The following SKI variants were observed in gnomAD, a reference collection of about 807,000 sequenced individuals.
The protein encoded by SKI is SKI proto-oncogene, also known as ski oncogene.
A neutral mutation model predicts 59.3 loss-of-function variants in SKI; 23 were observed. That is an observed-to-expected ratio of 0.39 (90% confidence interval 0.28 to 0.55). SKI has a LOEUF of 0.55. Ranked by LOEUF, SKI falls within the 20% of genes least tolerant of loss-of-function variation. SKI has a pLI of 0.67. For missense variants in SKI, 1,017 were observed against 1,038.9 expected (o/e 0.98, Z 0.29); for synonymous variants, 673 against 488.6 (o/e 1.38, Z -4.98).
rs535917697 is a variant in SKI at position 2,275,348 on chromosome 1, C to T, written c.970-27630C>T. On this transcript the variant is annotated intron_variant, in intron 1 of 6. Transcript: ENST00000378536. Reference sequence around the variant, plus strand: ...ACAGGGAGGAGGCTTCCTGTGGCTCCGCCGTCAGGGAGCAGTGGGGCTGCC... The same window carrying T: ...ACAGGGAGGAGGCTTCCTGTGGCTCTGCCGTCAGGGAGCAGTGGGGCTGCC... Among the ~76,000 whole-genome samples the T allele has an allele frequency of 7.2e-5, 11 of 152,276 alleles. 1 individual carries two copies. Among genetic ancestry groups the T allele is most frequent in the South Asian group, 4.1e-4 (2 of 4,832 alleles).
In SKI at chr1:2,270,049, G is replaced by A. The variant is rs943407872; in HGVS notation, c.970-32929G>A. ...GGGTCTGGCATGTTTGGTGGTGCCT[G>A]CCATCAGGCTGCCGATGGATGAGCC... On this transcript the variant is annotated intron_variant, in intron 1 of 6. Transcript: ENST00000378536. The surrounding 1 kb of genome is among the most constrained non-coding windows in gnomAD (Gnocchi z 4.1). 2.6e-5 allele frequency among the ~76,000 whole-genome samples: 4 copies of A among 152,082 alleles called. No homozygotes were observed. The highest frequency in any genetic ancestry group is 9.7e-5 in the African/African-American group (4 of 41,402).
chr1:2,283,351 G>A lies in SKI; in HGVS notation c.970-19627G>A, dbSNP rs563960146. Among the ~76,000 whole-genome samples, 504 of 103,500 alleles carry A rather than the reference G, an allele frequency of 4.9e-3. 5 individuals carry two copies. The highest frequency in any genetic ancestry group is 0.021 in the African/African-American group (481 of 22,684). The allele number at this position is 103,500 out of a possible 152,430, so 67.9% of individuals were successfully genotyped here. ...ACAGGGCAAGGACTCAGAGCCTCAG[G>A]GGGGGGAGGGCAGGGCCTCCTGAGG... On this transcript the variant is annotated intron_variant, in intron 1 of 6. Transcript: ENST00000378536.
At chr1:2,277,617 A>G (rs1253960090) in intron 1 of SKI, among the ~76,000 whole-genome samples, 2 of 152,222 alleles carry the variant, frequency 1.3e-5, no homozygotes, top group South Asian at 2.1e-4. Context: ...CTTCTTCAGC[A>G]GCGTGAAAAT....
At chr1:2,237,932 A>C (rs1638786883) in intron 1 of SKI, among the ~76,000 whole-genome samples, 1 of 152,154 alleles carries the variant, frequency 6.6e-6, no homozygotes, top group African/African-American at 2.4e-5. Context: ...CGGGTTACTT[A>C]AGGAGTCCAA....
In SKI at chr1:2,229,991, T is replaced by C. The variant is rs1287942880; in HGVS notation, c.969+256T>C. Among the ~76,000 whole-genome samples the C allele has an allele frequency of 1.3e-5, 2 of 152,076 alleles. No homozygotes were observed. The highest frequency in any genetic ancestry group is 2.9e-5 in the Non-Finnish European group (2 of 67,974). Reference sequence around the variant, plus strand: ...TGGCGGTGGGGTGGGGGGCCAGGCCTGGTGTGTGGGGAAGGCCCGCAGGCC... The same window carrying C: ...TGGCGGTGGGGTGGGGGGCCAGGCCCGGTGTGTGGGGAAGGCCCGCAGGCC... On this transcript the variant is annotated intron_variant, in intron 1 of 6. Coordinates refer to ENST00000378536, the MANE Select transcript of SKI (RefSeq NM_003036.4). This position sits in a 1 kb window ranked among gnomAD's most constrained non-coding sequence, Gnocchi z 6.3.
At chr1:2,250,890 G>C (rs1230882519) in intron 1 of SKI, among the ~76,000 whole-genome samples, 1 of 152,270 alleles carries the variant, frequency 6.6e-6, no homozygotes, top group African/African-American at 2.4e-5. Context: ...GCAGCCCCGG[G>C]GGGCCGGTGC....
chr1:2,254,096 C>T (rs1204933442), intron 1 of SKI, among the ~76,000 whole-genome samples: 1 of 152,216 alleles, frequency 6.6e-6, no homozygotes, highest in Non-Finnish European at 1.5e-5. Flanking sequence ...CTAGACATTC[C>T]AGGTGGGCTC....
chr1:2,258,146 A>G (rs545478695), intron 1 of SKI, among the ~76,000 whole-genome samples: 1 of 152,356 alleles, frequency 6.6e-6, no homozygotes, highest in South Asian at 2.1e-4. Flanking sequence ...TGCGACTTTA[A>G]CCAGAAGTAA....
At chr1:2,274,460 G>A (rs536693925) in intron 1 of SKI, among the ~76,000 whole-genome samples, 87 of 152,232 alleles carry the variant, frequency 5.7e-4, no homozygotes, top group Middle Eastern at 3.4e-3. Context: ...GCTGCCTCTC[G>A]CTCGCTCCAC....
In SKI at chr1:2,269,500, G is replaced by A. The variant is rs1041831744; in HGVS notation, c.970-33478G>A. Among the ~76,000 whole-genome samples the A allele has an allele frequency of 1.3e-5, 2 of 152,270 alleles. No homozygotes were observed. The highest frequency in any genetic ancestry group is 2.4e-5 in the African/African-American group (1 of 41,472). On this transcript the variant is annotated intron_variant, in intron 1 of 6. Transcript: ENST00000378536. This position sits in a 1 kb window ranked among gnomAD's most constrained non-coding sequence, Gnocchi z 4.7. Reference sequence around the variant, plus strand: ...CTGTGGCCTTCTGTGAAGCAAAGCCGTTTTGCAGGCTGGGTTCATCCCCGT... The same window carrying A: ...CTGTGGCCTTCTGTGAAGCAAAGCCATTTTGCAGGCTGGGTTCATCCCCGT...
rs971152031 is a variant in SKI at position 2,307,978 on chromosome 1, C to G, written c.*1213C>G. ...GTCTTTTTACCCCCAAGATATCTGT[C>G]TTCAGTAGCGACTGAATCTGCCACT... On this transcript the variant is annotated 3_prime_UTR_variant, in exon 7 of 7. Transcript: ENST00000378536. 6.6e-6 allele frequency: 1 copy of G among 152,484 alleles called. No individual in the cohort carries two copies. 9.4% of individuals were successfully genotyped at this position (152,484 alleles called of 1,614,324 possible). A position where few individuals can be genotyped will look rare whatever the true frequency, so the allele number is the denominator to read the frequency against.
intron 1 of SKI, among the ~76,000 whole-genome samples, chr1:2,263,789 C>A (rs72927836): frequency 0.012 from 1,820 of 150,018 alleles, 43 homozygotes; most frequent in African/African-American, 0.041. Flanking sequence ...ACCAGATTGG[C>A]CAATATGGTG....
intron 1 of SKI, among the ~76,000 whole-genome samples, chr1:2,295,275 C>G (rs989810390): frequency 6.6e-6 from 1 of 152,226 alleles, no homozygotes; most frequent in African/African-American, 2.4e-5. Flanking sequence ...CCTCTGGCTC[C>G]CAGGCATCTC....
chr1:2,260,168 G>A (rs561074060), intron 1 of SKI, among the ~76,000 whole-genome samples: 2 of 152,342 alleles, frequency 1.3e-5, no homozygotes, highest in South Asian at 2.1e-4. Context: ...GTCCTGGCCA[G>A]CGTGTGTGGT....
intron 1 of SKI, among the ~76,000 whole-genome samples, chr1:2,295,616 C>T (rs537154003): frequency 3.8e-4 from 58 of 151,530 alleles, no homozygotes; most frequent in Non-Finnish European, 8.1e-4. Context: ...AGTAGAGCCA[C>T]GTGACTGTGT....
At position 2,267,185 on chromosome 1, in the gene SKI, T is replaced by C. The variant is rs1223492188; in HGVS notation, c.970-35793T>C. 6.6e-6 allele frequency among the ~76,000 whole-genome samples: 1 copy of C among 152,206 alleles called. No individual in the cohort carries two copies. The highest frequency in any genetic ancestry group is 2.4e-5 in the African/African-American group (1 of 41,450). On this transcript the variant is annotated intron_variant, in intron 1 of 6. Transcript: ENST00000378536. The surrounding 1 kb of genome is among the most constrained non-coding windows in gnomAD (Gnocchi z 4.1). ...CAACTGCATCGAGCCAGCACTGAACTGGTTTTGTAACAAGCTTGGTGTCCA... is the reference window on the plus strand; with the variant it reads ...CAACTGCATCGAGCCAGCACTGAACCGGTTTTGTAACAAGCTTGGTGTCCA...
At chr1:2,236,112 C>T (rs1014864031) in intron 1 of SKI, among the ~76,000 whole-genome samples, 3 of 152,160 alleles carry the variant, frequency 2.0e-5, no homozygotes, top group East Asian at 3.9e-4. Context: ...TGAATCGGGG[C>T]GTTTAGGCCT....
At chr1:2,236,342 A>G (rs1638749474) in intron 1 of SKI, among the ~76,000 whole-genome samples, 1 of 152,196 alleles carries the variant, frequency 6.6e-6, no homozygotes, top group Non-Finnish European at 1.5e-5. Flanking sequence ...AGGCACTGGC[A>G]GTCAAGGTTT....
chr1:2,260,535 C>CTTTTTTTTTTCTTTTTT (rs1639363044), intron 1 of SKI, among the ~76,000 whole-genome samples: 1 of 67,820 alleles, frequency 1.5e-5, no homozygotes, highest in African/African-American at 6.2e-5. Context: ...TGTTCTTTTT[C>CTTTTTTTTTTCTTTTTT]TTTTTTTTTT....
Sources: gnomAD v4.1 joint callset for allele counts (sites outside exome capture counted in the v4.1 genomes callset) on GRCh38, gnomAD v4.1.1 for gene constraint, Gnocchi (gnomAD v3.1) non-coding constraint, MANE v1.5 for transcripts, NCBI Gene and HGNC (gene_info 2026-07-23, HGNC 2026-07-21) for gene names.